Variants in CCDC141 observed in about 807,000 individuals in gnomAD.
The protein encoded by CCDC141 is coiled-coil domain-containing protein 141.
In CCDC141, 168 loss-of-function variants were observed where a neutral mutation model predicts 181.0. The ratio of observed to expected loss-of-function variants is 0.93; its 90% confidence interval spans 0.82 to 1.05. CCDC141 has a LOEUF of 1.05. Ranked by LOEUF, CCDC141 falls within the 50% of genes least tolerant of loss-of-function variation. The probability of loss-of-function intolerance (pLI) is 0.00; values close to 1 mark genes in which losing one functional copy is unlikely to be tolerated. For synonymous variants in CCDC141, 666 were observed against 642.3 expected, an observed-to-expected ratio of 1.04 and a Z score of -0.56; for missense variants, 1,902 against 1,788.5, an observed-to-expected ratio of 1.06 and a Z score of -1.14.
rs1384580597 is a variant in CCDC141 at position 178,855,435 on chromosome 2, T to G, written c.2972A>C (p.Gln991Pro). The G allele has an allele frequency of 6.2e-7, 1 of 1,612,092 alleles. No individual in the cohort carries two copies. The highest frequency in any genetic ancestry group is 8.5e-7 in the Non-Finnish European group (1 of 1,179,306). ...NVLLEVMKDL[Q>P]KHVDDFDKVV... Reference sequence around the variant, plus strand: ...TTTGTCAAAGTCATCCACATGTTTTTGCAAATCCTTCATGACTTCCAAAAG... The same window carrying G: ...TTTGTCAAAGTCATCCACATGTTTTGGCAAATCCTTCATGACTTCCAAAAG... The change falls in exon 19 of 24, where the codon CAA becomes CCA. Residue 991 changes from glutamine to proline, a missense_variant. Gln to Pro is a moderately conservative substitution (Grantham distance 76). Transcript: ENST00000443758.
At chr2:178,941,154 T>C (rs1383999791) in intron 6 of CCDC141, among the ~76,000 whole-genome samples, 2 of 152,214 alleles carry the variant, frequency 1.3e-5, no homozygotes, top group East Asian at 1.9e-4. Flanking sequence ...ACTCTCATCA[T>C]AGACAGCCTG....
intron 3 of CCDC141, among the ~76,000 whole-genome samples, chr2:178,977,144 G>T (rs971756276): frequency 6.6e-6 from 1 of 152,114 alleles, no homozygotes; most frequent in African/African-American, 2.4e-5. Flanking sequence ...CTTTTCACTA[G>T]ATTCAATAAA....
intron 7 of CCDC141, chr2:178,915,700 C>T (rs749346089): frequency 4.6e-5 from 7 of 152,248 alleles, no homozygotes; most frequent in Non-Finnish European, 5.9e-5. Context: ...TGCTCCTACA[C>T]ATCTCACTGG....
intron 4 of CCDC141, among the ~76,000 whole-genome samples, chr2:178,961,726 A>G (rs1347574338): frequency 6.6e-6 from 1 of 152,230 alleles, no homozygotes; most frequent in Non-Finnish European, 1.5e-5. Context: ...TGCTTTGTTC[A>G]GCAATTGTGT....
intron 7 of CCDC141, among the ~76,000 whole-genome samples, chr2:178,912,695 T>A (rs1688272057): frequency 6.6e-6 from 1 of 152,180 alleles, no homozygotes; most frequent in Admixed American, 6.5e-5. Context: ...TATCTCTGCA[T>A]ATATAAAGAC....
At position 179,017,243 on chromosome 2, in the gene CCDC141, AT is replaced by A. The variant is rs201958652; in HGVS notation, c.225+30040del. ...AATAATAGTTGACTTTTGAAAAAAAATAATACTTATAGTTCTATCTTTTGAT... is the reference window on the plus strand; with the variant it reads ...AATAATAGTTGACTTTTGAAAAAAAAAATACTTATAGTTCTATCTTTTGAT... On this transcript the variant is annotated intron_variant, in intron 2 of 23. Coordinates refer to ENST00000443758, the MANE Select transcript of CCDC141 (RefSeq NM_173648.4). Among the ~76,000 whole-genome samples the A allele has an allele frequency of 8.1e-4, 123 of 152,096 alleles. 1 individual carries two copies. Among genetic ancestry groups the A allele is most frequent in the African/African-American group, 1.4e-3 (58 of 41,480 alleles).
At chr2:178,856,010 G>A (rs898158932) in intron 18 of CCDC141, among the ~76,000 whole-genome samples, 4 of 152,188 alleles carry the variant, frequency 2.6e-5, no homozygotes, top group African/African-American at 9.7e-5. Context: ...TTGGGGAGAA[G>A]AATGGAAGTA....
intron 2 of CCDC141, among the ~76,000 whole-genome samples, chr2:178,982,323 T>G (rs1169490381): frequency 1.3e-5 from 2 of 152,116 alleles, no homozygotes; most frequent in Non-Finnish European, 2.9e-5. Context: ...ATGAACAATC[T>G]AAAAAGGAAA....
chr2:179,018,997 A>G (rs2042622469), intron 2 of CCDC141, among the ~76,000 whole-genome samples: 1 of 152,222 alleles, frequency 6.6e-6, no homozygotes, highest in Non-Finnish European at 1.5e-5. Flanking sequence ...CCATTTGATT[A>G]TAATTTCCCA....
chr2:178,975,012 T>C, intron 4 of CCDC141, 45 bp downstream of exon 4: 1 of 985,664 alleles, frequency 1.0e-6, no homozygotes, highest in Non-Finnish European at 1.5e-6. Context: ...TTAACATCTT[T>C]TAAAACCTCT....
At chr2:179,029,308 A>G (rs2042942360) in intron 2 of CCDC141, among the ~76,000 whole-genome samples, 1 of 152,190 alleles carries the variant, frequency 6.6e-6, no homozygotes, top group South Asian at 2.1e-4. Flanking sequence ...ACCTCTTTAA[A>G]TAAGTTAGAG....
intron 6 of CCDC141, among the ~76,000 whole-genome samples, chr2:178,928,427 C>A (rs77465747): frequency 0.014 from 2,121 of 152,242 alleles, 52 homozygotes; most frequent in African/African-American, 0.049. Context: ...GAAGTCCTCT[C>A]AGGTGTTCAC....
chr2:178,940,788 T>C (rs1049481482), intron 6 of CCDC141, among the ~76,000 whole-genome samples: 3 of 152,178 alleles, frequency 2.0e-5, no homozygotes, highest in Admixed American at 6.5e-5. Flanking sequence ...TAAGATACTG[T>C]CTACTTTAAA....
chr2:179,045,683 G>C (rs1037242000), intron 2 of CCDC141, among the ~76,000 whole-genome samples: 1 of 151,820 alleles, frequency 6.6e-6, no homozygotes, highest in South Asian at 2.1e-4. Context: ...GTTGTTTCCT[G>C]ACTTTTTAAT....
At chr2:179,029,177 T>C (rs890626200) in intron 2 of CCDC141, among the ~76,000 whole-genome samples, 1 of 152,208 alleles carries the variant, frequency 6.6e-6, no homozygotes, top group African/African-American at 2.4e-5. Flanking sequence ...CCATCACTTC[T>C]TTTGAGATCC....
rs1553503077 is a variant in CCDC141 at position 179,015,558 on chromosome 2, C to CATATATATGAG, written c.225+31725_225+31726insCTCATATATAT. Among the ~76,000 whole-genome samples, 5 of 23,524 alleles carry CATATATATGAG rather than the reference C, an allele frequency of 2.1e-4. No individual in the cohort carries two copies. In the South Asian group the frequency reaches 3.2e-3, roughly 15 times the overall value. The allele number at this position is 23,524 out of a possible 152,430, so 15.4% of individuals were successfully genotyped here. A position where few individuals can be genotyped will look rare whatever the true frequency, so the allele number is the denominator to read the frequency against. On this transcript the variant is annotated intron_variant, in intron 2 of 23. Transcript: ENST00000443758. The stretch of plus-strand genomic sequence containing the variant: ...TATATGATATATATATCTCATATCT[C>CATATATATGAG]ATATATATCTCATATATCTCATATA...
At chr2:178,996,123 G>C (rs192146026) in intron 2 of CCDC141, among the ~76,000 whole-genome samples, 17 of 143,290 alleles carry the variant, frequency 1.2e-4, no homozygotes, top group African/African-American at 4.4e-4. Flanking sequence ...GTCTCACTCT[G>C]TCACCCATGC....
chr2:178,873,779 C>A (rs1425692741), intron 12 of CCDC141: 5 of 152,144 alleles, frequency 3.3e-5, no homozygotes, highest in African/African-American at 1.2e-4. Context: ...AAATGTTTGT[C>A]ATAATCCAGT....
chr2:178,962,715 C>T (rs1690462964), intron 4 of CCDC141, among the ~76,000 whole-genome samples: 1 of 151,274 alleles, frequency 6.6e-6, no homozygotes, highest in African/African-American at 2.4e-5. Context: ...ACAACAATGG[C>T]ACCCCAATGC....
Sources: gnomAD v4.1 joint callset for allele counts (sites outside exome capture counted in the v4.1 genomes callset) on GRCh38, gnomAD v4.1.1 for gene constraint, MANE v1.5 for transcripts, NCBI Gene and HGNC (gene_info 2026-07-23, HGNC 2026-07-21) for gene names.